Variants in TIGD4 observed in about 807,000 individuals in gnomAD.
The protein encoded by TIGD4 is tigger transposable element-derived protein 4.
Under a neutral mutation model 24.9 loss-of-function variants are expected in TIGD4, and 20 were observed. The observed-to-expected ratio is 0.80, with a 90% CI of 0.56 to 1.17. The LOEUF is 1.17. Among genes scored for constraint, TIGD4 ranks in the 50% most tolerant of loss-of-function variants. The probability of loss-of-function intolerance (pLI) is 0.00; values close to 1 mark genes in which losing one functional copy is unlikely to be tolerated. For synonymous variants in TIGD4, 193 were observed against 211.0 expected (o/e 0.91, Z 0.74); for missense variants, 566 against 591.0 (o/e 0.96, Z 0.44).
intron 1 of TIGD4, among the ~76,000 whole-genome samples, chr4:152,776,491 G>A (rs554594807): frequency 6.6e-6 from 1 of 151,608 alleles, no homozygotes; most frequent in South Asian, 2.1e-4. Context: ...TTCCCATTCA[G>A]AATCTCTAGG....
intron 1 of TIGD4, among the ~76,000 whole-genome samples, chr4:152,773,216 G>A (rs187203423): frequency 1.3e-5 from 2 of 152,264 alleles, no homozygotes; most frequent in Admixed American, 6.5e-5. Context: ...TGGTTTCCCA[G>A]GTGATGCACA....
In TIGD4 at chr4:152,770,233, C is replaced by T; in HGVS notation, c.772G>A (p.Ala258Thr). Residue 258 changes from alanine to threonine, a missense_variant, in exon 2 of 2, where the codon GCA becomes ACA. By Grantham distance (58) the Ala-to-Thr change is moderately conservative. Transcript: ENST00000304337. ...TCAAATACATCGGAGGTCATCCATG[C>T]CATTCTGTTAGCTTCATAACACACA... is the stretch of plus-strand genomic sequence containing the variant. ...LPVCYEANRM[A>T]WMTSDVFEQW... 1.2e-6 allele frequency: 2 copies of T among 1,614,078 alleles called. No individual in the cohort carries two copies. Among genetic ancestry groups the T allele is most frequent in the Non-Finnish European group, 1.7e-6 (2 of 1,179,978 alleles).
At chr4:152,776,032 A>G (rs1406611153) in intron 1 of TIGD4, among the ~76,000 whole-genome samples, 1 of 152,260 alleles carries the variant, frequency 6.6e-6, no homozygotes, top group African/African-American at 2.4e-5. Context: ...TACATGCTGA[A>G]ATACTATTGT....
Position 152,771,088 on chromosome 4 carries a change from T to C in TIGD4, c.-84A>G, listed in dbSNP as rs1040621495. On this transcript the variant is annotated 5_prime_UTR_variant, in exon 2 of 2. Transcript: ENST00000304337. ...ATTAAATTTGTTTTCCAGTATAATA[T>C]AGATTGCTGCTTTCTATCCTACTTT... The C allele has an allele frequency of 3.5e-6, 5 of 1,446,072 alleles. No individual in the cohort carries two copies. The highest frequency in any genetic ancestry group is 4.8e-5 in the East Asian group (2 of 41,788). 89.6% of individuals were successfully genotyped at this position (1,446,072 alleles called of 1,614,324 possible). A position where few individuals can be genotyped will look rare whatever the true frequency, so the allele number is the denominator to read the frequency against.
At chr4:152,774,257 A>G (rs569635034) in intron 1 of TIGD4, among the ~76,000 whole-genome samples, 1 of 152,352 alleles carries the variant, frequency 6.6e-6, no homozygotes, top group South Asian at 2.1e-4. Context: ...AAAATGTGAT[A>G]ACTTTATTTA....
chr4:152,771,164 C>G lies in TIGD4; in HGVS notation c.-160G>C. On this transcript the variant is annotated 5_prime_UTR_variant, in exon 2 of 2. Coordinates refer to ENST00000304337, the MANE Select transcript of TIGD4 (RefSeq NM_145720.4). ...GTCTTATTTTGTAGGAACTTGATGA[C>G]AAAATATGCTTTTTCAAAGATCTGA... 1 of 806,658 alleles carries G rather than the reference C, an allele frequency of 1.2e-6. No individual in the cohort carries two copies. Among genetic ancestry groups the G allele is most frequent in the South Asian group, 3.6e-5 (1 of 27,422 alleles). The allele number at this position is 806,658 out of a possible 1,614,324, so 50.0% of individuals were successfully genotyped here.
chr4:152,774,000 C>CTTTTCTTTCCTTCCCTT (rs1730222151), intron 1 of TIGD4, among the ~76,000 whole-genome samples: 1 of 151,852 alleles, frequency 6.6e-6, no homozygotes, highest in Non-Finnish European at 1.5e-5. Context: ...TTTCCTTCCT[C>CTTTTCTTTCCTTCCCTT]TTTTCTTTCC....
Position 152,770,349 on chromosome 4 carries a change from C to T in TIGD4, c.656G>A (p.Gly219Asp). The stretch of plus-strand genomic sequence containing the variant: ...TTTCTCTGAGCCATCCATGTTTGTG[C>T]CAACCACCAGAGTTATTCTGTCTTT... ...LCKDRITLVV[G>D]TNMDGSEKLP... Residue 219 changes from glycine to aspartate, a missense_variant, in exon 2 of 2, where the codon GGC (glycine) becomes GAC (aspartate). Physicochemically the swap from Gly to Asp is moderately conservative, Grantham distance 94 (BLOSUM62 -1). Transcript: ENST00000304337. 2 of 1,614,054 alleles carry T rather than the reference C, an allele frequency of 1.2e-6. No homozygotes were observed. The highest frequency in any genetic ancestry group is 1.7e-6 in the Non-Finnish European group (2 of 1,179,964).
intron 1 of TIGD4, among the ~76,000 whole-genome samples, chr4:152,773,113 T>C (rs1730205487): frequency 6.6e-6 from 1 of 152,168 alleles, no homozygotes; most frequent in African/African-American, 2.4e-5. Flanking sequence ...CTTATCAGAA[T>C]CTGTGGGGCA....
In TIGD4 at chr4:152,770,969, A is replaced by C; in HGVS notation, c.36T>G (p.Pro12=). The change falls in exon 2 of 2, where the codon CCT becomes CCG. Residue 12 remains proline, a synonymous_variant. Transcript: ENST00000304337. ...GGCTTTTCTTTTTCTTCACTGTTAC[A>C]GGCAGAGTTGAGGCATCCACAGAAG... ...AEASVDASTL[P]VTVKKKKSLS... 1 of 1,611,236 alleles carries C rather than the reference A, an allele frequency of 6.2e-7. No homozygotes were observed. The highest frequency in any genetic ancestry group is 8.5e-7 in the Non-Finnish European group (1 of 1,179,362).
rs1168818347 is a variant in TIGD4 at position 152,769,787 on chromosome 4, C to A, written c.1218G>T (p.Gly406=). ...AACCTTCAGGAAATTCTACTCCTGCCCCCAGAGCATCAGCAACCAAATCCA... is the reference window on the plus strand; with the variant it reads ...AACCTTCAGGAAATTCTACTCCTGCACCCAGAGCATCAGCAACCAAATCCA... ...TGLDLVADAL[G]AGVEFPEGLS... is the part of the protein sequence containing the mutation. Residue 406 remains glycine, a synonymous_variant, in exon 2 of 2, where the codon GGG becomes GGT. Coordinates refer to ENST00000304337, the MANE Select transcript of TIGD4 (RefSeq NM_145720.4). The A allele has an allele frequency of 6.2e-7, 1 of 1,613,412 alleles. No homozygotes were observed. Among genetic ancestry groups the A allele is most frequent in the African/African-American group, 1.3e-5 (1 of 75,028 alleles).
rs769005391 is a variant in TIGD4, at chr4:152,770,318, AG to A, written c.686del (p.Pro229LeufsTer17). 1 of 1,614,080 alleles carries A rather than the reference AG, an allele frequency of 6.2e-7. No individual in the cohort carries two copies. The highest frequency in any genetic ancestry group is 8.5e-7 in the Non-Finnish European group (1 of 1,179,962). On this transcript the variant is annotated frameshift_variant, in exon 2 of 2. Transcript: ENST00000304337. LOFTEE classifies it high-confidence loss of function. ...TTCTCTTTTTTCCAATGACAAGCAAAGGAAGTTTCTCTGAGCCATCCATGTT... is the reference window on the plus strand; with the variant it reads ...TTCTCTTTTTTCCAATGACAAGCAAAGAAGTTTCTCTGAGCCATCCATGTT... ...GTNMDGSEKL[P>X]LLVIGKKRTP...
intron 1 of TIGD4, among the ~76,000 whole-genome samples, chr4:152,779,177 T>C (rs1357709750): frequency 6.6e-6 from 1 of 152,018 alleles, no homozygotes; most frequent in Admixed American, 6.5e-5. Context: ...GACAGAACAA[T>C]GATCTATTTA....
Position 152,771,158 on chromosome 4 carries a change from TG to T in TIGD4, c.-155del. 1 of 872,514 alleles carries T rather than the reference TG, an allele frequency of 1.1e-6. No individual in the cohort carries two copies. The highest frequency in any genetic ancestry group is 1.6e-6 in the Non-Finnish European group (1 of 619,132). 54.0% of individuals were successfully genotyped at this position (872,514 alleles called of 1,614,324 possible). Reference sequence around the variant, plus strand: ...CTAATAGTCTTATTTTGTAGGAACTTGATGACAAAATATGCTTTTTCAAAGA... The same window carrying T: ...CTAATAGTCTTATTTTGTAGGAACTTATGACAAAATATGCTTTTTCAAAGA... On this transcript the variant is annotated 5_prime_UTR_variant, in exon 2 of 2. Coordinates refer to ENST00000304337, the MANE Select transcript of TIGD4 (RefSeq NM_145720.4).
intron 1 of TIGD4, among the ~76,000 whole-genome samples, chr4:152,778,753 A>G (rs1730315554): frequency 1.3e-5 from 2 of 152,192 alleles, no homozygotes; most frequent in African/African-American, 4.8e-5. Context: ...ATATTTCACT[A>G]CACTGAAACT....
At chr4:152,777,065 T>C (rs1334795359) in intron 1 of TIGD4, among the ~76,000 whole-genome samples, 1 of 152,262 alleles carries the variant, frequency 6.6e-6, no homozygotes, top group Non-Finnish European at 1.5e-5. Flanking sequence ...TAAACATTTC[T>C]TTGCAACTAA....
intron 1 of TIGD4, among the ~76,000 whole-genome samples, chr4:152,774,119 G>C (rs915341483): frequency 1.4e-5 from 2 of 147,332 alleles, no homozygotes; most frequent in African/African-American, 5.0e-5. Context: ...TCATTTATCA[G>C]AAATAAAATC....
chr4:152,778,207 C>T (rs371457301), intron 1 of TIGD4, among the ~76,000 whole-genome samples: 1 of 152,114 alleles, frequency 6.6e-6, no homozygotes, highest in African/African-American at 2.4e-5. Flanking sequence ...TAACTTTAGT[C>T]AAGCTAAGCA....
chr4:152,775,121 T>C (rs934435560), intron 1 of TIGD4, among the ~76,000 whole-genome samples: 2 of 152,168 alleles, frequency 1.3e-5, no homozygotes, highest in Non-Finnish European at 2.9e-5. Flanking sequence ...TTCACCGTGT[T>C]AGTCAGGATG....
Sources: allele counts gnomAD v4.1 joint callset (sites outside exome capture counted in the v4.1 genomes callset), GRCh38; gene constraint gnomAD v4.1.1; transcripts MANE v1.5; gene names NCBI Gene and HGNC (gene_info 2026-07-23, HGNC 2026-07-21).